Variants in CACNA2D3 observed in about 807,000 individuals in gnomAD.
CACNA2D3 encodes the protein voltage-dependent calcium channel subunit alpha-2/delta-3.
Under a neutral mutation model 160.6 loss-of-function variants are expected in CACNA2D3, and 60 were observed. That is an observed-to-expected ratio of 0.37 (90% confidence interval 0.30 to 0.46). The LOEUF is 0.46. CACNA2D3 is among the 20% of genes least tolerant of loss of function. The pLI, the probability that CACNA2D3 is intolerant of heterozygous loss-of-function variation, is 1.00. For missense variants in CACNA2D3, 1,205 were observed against 1,365.0 expected (o/e 0.88, Z 1.85); for synonymous variants, 558 against 492.9 (o/e 1.13, Z -1.75).
chr3:55,015,645 A>G (rs1703312186), intron 34 of CACNA2D3, among the ~76,000 whole-genome samples: 1 of 152,236 alleles, frequency 6.6e-6, no homozygotes. Context: ...TGAAAACCAG[A>G]ATGACTTGCC....
chr3:54,283,561 C>T (rs1401522782), intron 2 of CACNA2D3, among the ~76,000 whole-genome samples: 1 of 152,196 alleles, frequency 6.6e-6, no homozygotes, highest in African/African-American at 2.4e-5. Context: ...TAGAGGCTTA[C>T]TCTGTGTTTC....
intron 9 of CACNA2D3, among the ~76,000 whole-genome samples, chr3:54,600,581 G>T (rs1324395295): frequency 6.6e-6 from 1 of 152,170 alleles, no homozygotes; most frequent in Non-Finnish European, 1.5e-5. Flanking sequence ...CAGGAGCTGA[G>T]TTACTGGCTT....
chr3:54,460,092 G>A (rs751336002), intron 4 of CACNA2D3, among the ~76,000 whole-genome samples: 21 of 151,538 alleles, frequency 1.4e-4, no homozygotes, highest in South Asian at 6.3e-4. Context: ...GTAGATATGC[G>A]GCATTATTTC....
intron 3 of CACNA2D3, among the ~76,000 whole-genome samples, chr3:54,365,865 A>G (rs1212023809): frequency 6.6e-6 from 1 of 152,196 alleles, no homozygotes; most frequent in Non-Finnish European, 1.5e-5. Flanking sequence ...CCATCTCAAA[A>G]TAAATAAAAT....
intron 27 of CACNA2D3, among the ~76,000 whole-genome samples, chr3:54,944,614 G>T (rs1014102763): frequency 1.3e-5 from 2 of 151,950 alleles, no homozygotes; most frequent in Non-Finnish European, 2.9e-5. Flanking sequence ...GTAGAGACAG[G>T]GTTTCACCGT....
At chr3:54,947,982 A>T (rs1701656616) in intron 27 of CACNA2D3, among the ~76,000 whole-genome samples, 1 of 152,134 alleles carries the variant, frequency 6.6e-6, no homozygotes, top group Non-Finnish European at 1.5e-5. Context: ...GGCAAATGCT[A>T]ATCTGGAACC....
At chr3:54,318,385 C>CG (rs1231644890) in intron 2 of CACNA2D3, among the ~76,000 whole-genome samples, 2 of 151,886 alleles carry the variant, frequency 1.3e-5, no homozygotes, top group Non-Finnish European at 2.9e-5. Context: ...TTTCAGGGAG[C>CG]GGGGGGAAAC....
At chr3:54,775,843 C>T (rs1702415410) in intron 13 of CACNA2D3, among the ~76,000 whole-genome samples, 1 of 152,186 alleles carries the variant, frequency 6.6e-6, no homozygotes, top group Admixed American at 6.5e-5. Context: ...GGCTCAGGGG[C>T]AGCCCCAGGA....
At chr3:54,801,611 G>A (rs937374365) in intron 13 of CACNA2D3, among the ~76,000 whole-genome samples, 1 of 152,126 alleles carries the variant, frequency 6.6e-6, no homozygotes, top group African/African-American at 2.4e-5. Context: ...AGTTAATTGA[G>A]ATCAGCGGTG....
At chr3:54,553,888 T>C (rs79333352) in intron 5 of CACNA2D3, among the ~76,000 whole-genome samples, 2,516 of 152,262 alleles carry the variant, frequency 0.017, 63 homozygotes, top group African/African-American at 0.057. Flanking sequence ...AAATTTGATT[T>C]TGGAGCCATG....
intron 2 of CACNA2D3, among the ~76,000 whole-genome samples, chr3:54,138,770 A>G (rs1011736326): frequency 2.0e-5 from 3 of 152,198 alleles, no homozygotes; most frequent in African/African-American, 7.2e-5. Flanking sequence ...GAAGCTAGTG[A>G]TGGAAGAGCC....
At chr3:54,885,671 A>G in intron 23 of CACNA2D3, 85 bp downstream of exon 23, 1 of 933,182 alleles carries the variant, frequency 1.1e-6, no homozygotes. Context: ...TCACTTGTTA[A>G]GGGAAGCTTT....
chr3:54,865,451 G>T (rs898511908), intron 17 of CACNA2D3, among the ~76,000 whole-genome samples: 1 of 152,174 alleles, frequency 6.6e-6, no homozygotes, highest in African/African-American at 2.4e-5. Context: ...AGGGAGTAGG[G>T]GCTGACAGAG....
chr3:54,950,676 G>A (rs1701736079), intron 27 of CACNA2D3, among the ~76,000 whole-genome samples: 1 of 152,090 alleles, frequency 6.6e-6, no homozygotes, highest in Admixed American at 6.5e-5. Context: ...TAGGACCCAG[G>A]TTCTCTACTC....
chr3:54,998,723 G>A (rs888116771), intron 31 of CACNA2D3, among the ~76,000 whole-genome samples: 2 of 104,822 alleles, frequency 1.9e-5, no homozygotes, highest in African/African-American at 5.8e-5. Flanking sequence ...TTTTTGTTTT[G>A]TTTTGTTTTG....
chr3:54,790,504 A>G (rs182804600), intron 13 of CACNA2D3, among the ~76,000 whole-genome samples: 228 of 152,316 alleles, frequency 1.5e-3, no homozygotes, highest in African/African-American at 5.3e-3. Flanking sequence ...TGTAGCATGC[A>G]TGTGTCATCT....
At chr3:54,912,154 C>T (rs558178238) in intron 27 of CACNA2D3, among the ~76,000 whole-genome samples, 9 of 152,182 alleles carry the variant, frequency 5.9e-5, no homozygotes, top group Non-Finnish European at 1.0e-4. Flanking sequence ...TAGGCTTCTC[C>T]GTAGGGTAGC....
chr3:54,590,597 C>CTTATTA (rs35084465), intron 9 of CACNA2D3, among the ~76,000 whole-genome samples: 40,542 of 148,978 alleles, frequency 0.27, 5,801 homozygotes, highest in Middle Eastern at 0.4. Context: ...TGGCATTTCT[C>CTTATTA]TTATTATTAT....
intron 4 of CACNA2D3, among the ~76,000 whole-genome samples, chr3:54,500,592 TTCTC>T (rs1701278921): frequency 6.7e-6 from 1 of 150,358 alleles, no homozygotes; most frequent in Admixed American, 6.6e-5. Flanking sequence ...CTTTCTTTCT[TTCTC>T]TTTTTCTTTC....
Sources: gnomAD v4.1 joint callset for allele counts (sites outside exome capture counted in the v4.1 genomes callset) on GRCh38, gnomAD v4.1.1 for gene constraint, MANE v1.5 for transcripts, NCBI Gene and HGNC (gene_info 2026-07-23, HGNC 2026-07-21) for gene names.